Variants in IQGAP2 observed in about 807,000 individuals in gnomAD.
IQGAP2 encodes IQ motif containing GTPase activating protein 2, also known as ras GTPase-activating-like protein IQGAP2.
Under a neutral mutation model 201.3 loss-of-function variants are expected in IQGAP2, and 173 were observed. That is an observed-to-expected ratio of 0.86 (90% CI 0.76 to 0.98). The LOEUF is 0.98. Among genes scored for constraint, IQGAP2 ranks in the 50% least tolerant of loss-of-function variants. IQGAP2 has a pLI of 0.00. For missense variants in IQGAP2, 1,687 were observed against 1,864.8 expected (o/e 0.90, Z 1.76); for synonymous variants, 675 against 673.9 (o/e 1.00, Z -0.03).
intron 2 of IQGAP2, among the ~76,000 whole-genome samples, chr5:76,473,785 A>T (rs557558546): frequency 1.3e-5 from 2 of 152,188 alleles, no homozygotes; most frequent in Admixed American, 1.3e-4. Context: ...TGCCACTATT[A>T]TGACTGGTTT....
intron 2 of IQGAP2, among the ~76,000 whole-genome samples, chr5:76,530,402 T>C (rs186624594): frequency 1.3e-3 from 202 of 152,338 alleles, no homozygotes; most frequent in African/African-American, 4.6e-3. Flanking sequence ...CCCAGCGTTT[T>C]CTTGGCAACT....
Position 76,403,345 on chromosome 5 carries a change from A to T in IQGAP2, c.-201A>T. 2.5e-6 allele frequency: 1 copy of T among 402,752 alleles called. No individual in the cohort carries two copies. The highest frequency in any genetic ancestry group is 4.3e-6 in the Non-Finnish European group (1 of 230,312). 24.9% of individuals were successfully genotyped at this position (402,752 alleles called of 1,614,324 possible). On this transcript the variant is annotated 5_prime_UTR_variant, in exon 1 of 36. Transcript: ENST00000274364. This position sits in a 1 kb window ranked among gnomAD's most constrained non-coding sequence, Gnocchi z 4.8. ...GAGCGAGGGAGGAGAGTTCACTTTTACTTCAGTGTCAGCGCGCGGCGGCCG... is the reference window on the plus strand; with the variant it reads ...GAGCGAGGGAGGAGAGTTCACTTTTTCTTCAGTGTCAGCGCGCGGCGGCCG...
intron 2 of IQGAP2, among the ~76,000 whole-genome samples, chr5:76,513,609 C>A (rs994744656): frequency 1.6e-4 from 25 of 152,102 alleles, no homozygotes; most frequent in Non-Finnish European, 2.9e-4. Context: ...GAAGCTAAGG[C>A]TGAAAAGGCT....
Position 76,429,615 on chromosome 5 carries a change from C to T in IQGAP2, c.46+26024C>T, listed in dbSNP as rs1389970549. 4.8e-3 allele frequency among the ~76,000 whole-genome samples: 671 copies of T among 140,006 alleles called. 7 individuals carry two copies. Among genetic ancestry groups the T allele is most frequent in the African/African-American group, 0.017 (608 of 36,806 alleles). The allele number at this position is 140,006 out of a possible 152,430, so 91.8% of individuals were successfully genotyped here. A position where few individuals can be genotyped will look rare whatever the true frequency, so the allele number is the denominator to read the frequency against. On this transcript the variant is annotated intron_variant, in intron 1 of 35. Transcript: ENST00000274364. ...ATATATATGTATATTTATATATATACATATATAAATTTATATATATACATA... is the reference window on the plus strand; with the variant it reads ...ATATATATGTATATTTATATATATATATATATAAATTTATATATATACATA...
intron 2 of IQGAP2, among the ~76,000 whole-genome samples, chr5:76,511,700 A>T (rs1342688577): frequency 7.3e-5 from 8 of 109,572 alleles, no homozygotes; most frequent in South Asian, 2.9e-4. Context: ...TTTTTTTTTG[A>T]GACGGAGTCT....
At chr5:76,658,709 A>G (rs1408060465) in intron 21 of IQGAP2, 42 bp downstream of exon 21, 11 of 1,515,062 alleles carry the variant, frequency 7.3e-6, no homozygotes, top group Non-Finnish European at 9.2e-6. Flanking sequence ...AGAAGAGGGA[A>G]GACGCCTACA....
Position 76,681,214 on chromosome 5 carries a change from G to T in IQGAP2, c.3661-1901G>T, listed in dbSNP as rs575810401. On this transcript the variant is annotated intron_variant, in intron 28 of 35. Transcript: ENST00000274364. The stretch of plus-strand genomic sequence containing the variant: ...ATATAAAGAAATCCTACAACTCAAT[G>T]ATAGAAACATAATCCAATTTAAATA... 6.6e-5 allele frequency among the ~76,000 whole-genome samples: 10 copies of T among 151,170 alleles called. No homozygotes were observed. The South Asian group carries it at 2.1e-3, about 32-fold the overall frequency.
Position 76,641,032 on chromosome 5 carries a change from A to G in IQGAP2, c.2023A>G (p.Ile675Val). Residue 675 changes from isoleucine (I) to valine (V), a missense_variant, in exon 17 of 36, where the codon ATC becomes GTC. Transcript: ENST00000274364. ...CTTTCAAGCCACAAGCTCAGGACCC[A>G]TCCTTAGGGAAGAGTTTGAAGCTAG... ...LRFQATSSGP[I>V]LREEFEARKS... 1.2e-6 allele frequency: 2 copies of G among 1,611,292 alleles called. No individual in the cohort carries two copies. The highest frequency in any genetic ancestry group is 8.5e-7 in the Non-Finnish European group (1 of 1,177,688).
intron 29 of IQGAP2, 121 bp downstream of exon 29, chr5:76,683,338 A>G (rs1000265252): frequency 1.3e-5 from 8 of 609,454 alleles, no homozygotes; most frequent in Non-Finnish European, 1.4e-5. Context: ...ATGCTTAAGC[A>G]TATTTAAAGA....
chr5:76,557,204 G>C (rs75225145), intron 2 of IQGAP2, among the ~76,000 whole-genome samples: 13,172 of 152,236 alleles, frequency 0.087, 1,063 homozygotes, highest in East Asian at 0.45. Context: ...TAGAGGAGCA[G>C]AGGCTGGCCC....
Position 76,589,618 on chromosome 5 carries a change from A to C in IQGAP2, c.530A>C (p.Glu177Ala). ...DLLGKVDFTE[E>A]EISNMRKELE... ...TGATTATTTTGTTCTTTGTTAGAGG[A>C]GGAAATCAGTAATATGAGAAAAGAA... Residue 177 changes from glutamate to alanine, a missense_variant, in exon 7 of 36, where the codon GAG becomes GCG. Transcript: ENST00000274364. 1 of 1,554,518 alleles carries C rather than the reference A, an allele frequency of 6.4e-7. No individual in the cohort carries two copies. Among genetic ancestry groups the C allele is most frequent in the East Asian group, 2.3e-5 (1 of 44,136 alleles).
intron 2 of IQGAP2, among the ~76,000 whole-genome samples, chr5:76,510,225 C>G (rs1304850740): frequency 1.3e-5 from 2 of 152,110 alleles, no homozygotes; most frequent in African/African-American, 2.4e-5. Context: ...GTCTCGAACT[C>G]CTGACCTCAG....
chr5:76,451,219 T>A (rs186726827), intron 1 of IQGAP2, among the ~76,000 whole-genome samples: 1 of 152,184 alleles, frequency 6.6e-6, no homozygotes, highest in Non-Finnish European at 1.5e-5. Context: ...AGTCACGAAG[T>A]GTGCTGGCTG....
At chr5:76,667,877 CTTTTTTTTT>C (rs540744402) in intron 22 of IQGAP2, among the ~76,000 whole-genome samples, 55,759 of 123,488 alleles carry the variant, frequency 0.45, 11,651 homozygotes, top group Middle Eastern at 0.5. Context: ...AGTCCACTTT[CTTTTTTTTT>C]TTTTTTTTTT....
At chr5:76,574,619 A>G (rs770423490) in intron 4 of IQGAP2, among the ~76,000 whole-genome samples, 1 of 152,252 alleles carries the variant, frequency 6.6e-6, no homozygotes, top group African/African-American at 2.4e-5. Context: ...GAAAAAGAGT[A>G]AGAAATAGTA....
chr5:76,697,898 C>T, intron 32 of IQGAP2, 89 bp from the exon 33 acceptor site: 2 of 961,476 alleles, frequency 2.1e-6, no homozygotes, highest in Non-Finnish European at 3.1e-6. Flanking sequence ...TAGCGACTTA[C>T]TACTGCTTGA....
intron 17 of IQGAP2, among the ~76,000 whole-genome samples, chr5:76,642,152 T>C (rs1243352124): frequency 1.3e-5 from 2 of 152,098 alleles, no homozygotes; most frequent in Non-Finnish European, 2.9e-5. Context: ...ACACAGGAAG[T>C]GAACAAAAGC....
chr5:76,534,726 A>G lies in IQGAP2; in HGVS notation c.147-27670A>G, dbSNP rs1218933564. ...CCTGATTTGAAAAACTTTAAAACTG[A>G]CCTTCTCTACATCTCCCCATTATTG... On this transcript the variant is annotated intron_variant, in intron 2 of 35. Transcript: ENST00000274364. 2.6e-5 allele frequency among the ~76,000 whole-genome samples: 4 copies of G among 152,172 alleles called. No individual in the cohort carries two copies. In the East Asian group the frequency reaches 7.7e-4, roughly 29 times the overall value.
At chr5:76,675,955 C>T (rs1744770576) in intron 27 of IQGAP2, among the ~76,000 whole-genome samples, 1 of 152,000 alleles carries the variant, frequency 6.6e-6, no homozygotes, top group Non-Finnish European at 1.5e-5. Context: ...GTGGTAAGCA[C>T]CTGTAGTCCC....
Sources: gnomAD v4.1 joint callset for allele counts (sites outside exome capture counted in the v4.1 genomes callset) on GRCh38, gnomAD v4.1.1 for gene constraint, Gnocchi (gnomAD v3.1) non-coding constraint, MANE v1.5 for transcripts, NCBI Gene and HGNC (gene_info 2026-07-23, HGNC 2026-07-21) for gene names.